Variants in HS1BP3 observed in about 807,000 individuals in gnomAD.
HS1BP3 encodes the protein HCLS1 binding protein 3.
In HS1BP3, 32 loss-of-function variants were observed where a neutral mutation model predicts 33.5. That is an observed-to-expected ratio of 0.95 (90% confidence interval 0.72 to 1.28). The LOEUF (loss-of-function observed/expected upper bound fraction) is 1.28, where lower values mean the gene tolerates loss of function less well. HS1BP3 is among the 50% of genes most tolerant of loss of function. HS1BP3 has a pLI of 0.00. For synonymous variants in HS1BP3, 187 were observed against 209.2 expected (o/e 0.89, Z 0.92); for missense variants, 486 against 502.3 (o/e 0.97, Z 0.31).
At chr2:20,638,373 G>T (rs929338026) in intron 4 of HS1BP3, 63 bp downstream of exon 4, 4 of 1,474,556 alleles carry the variant, frequency 2.7e-6, no homozygotes, top group Non-Finnish European at 3.7e-6. Context: ...CAGGGAAGGG[G>T]GACGTCATCT....
At position 20,586,631 on chromosome 2, in the gene HS1BP3, A is replaced by G. The variant is rs566015464; in HGVS notation, c.303-26116T>C. ...AAAAGAAAAGCTAATAGCTTTGACA[A>G]TATAATAATATAAAGCTTTGGTACA... On this transcript the variant is annotated intron_variant, in intron 5 of 5. Transcript: ENST00000446825. The G allele has an allele frequency of 3.3e-5, 5 of 152,354 alleles. No homozygotes were observed. In the South Asian group the frequency reaches 1.0e-3, roughly 32 times the overall value. The allele number at this position is 152,354 out of a possible 1,614,324, so 9.4% of individuals were successfully genotyped here. A position where few individuals can be genotyped will look rare whatever the true frequency, so the allele number is the denominator to read the frequency against.
At chr2:20,614,749 C>T (rs1016909808), downstream of HS1BP3, among the ~76,000 whole-genome samples, 2 of 152,226 alleles carry the variant, frequency 1.3e-5, no homozygotes, top group African/African-American at 4.8e-5. Flanking sequence ...GCTGAGTTGG[C>T]AGAGAAGCAT....
chr2:20,577,040 A>G (rs987285599), intron 5 of HS1BP3, among the ~76,000 whole-genome samples: 1 of 152,120 alleles, frequency 6.6e-6, no homozygotes, highest in Admixed American at 6.5e-5. Context: ...TTTACAAGGA[A>G]ATTTATGGGA....
At chr2:20,628,989 G>A (rs542940053) in intron 4 of HS1BP3, among the ~76,000 whole-genome samples, 5 of 152,300 alleles carry the variant, frequency 3.3e-5, no homozygotes, top group African/African-American at 1.2e-4. Context: ...TAGAAGAAAT[G>A]ACCAGAGCCT....
intron 2 of HS1BP3, among the ~76,000 whole-genome samples, chr2:20,604,737 T>C (rs1432121992): frequency 3.3e-5 from 5 of 152,078 alleles, no homozygotes; most frequent in Admixed American, 6.5e-5. Flanking sequence ...CTGGGCCAGT[T>C]CCCCCAGTTT....
intron 5 of HS1BP3, among the ~76,000 whole-genome samples, chr2:20,583,148 T>C (rs2149276357): frequency 6.6e-6 from 1 of 152,372 alleles, no homozygotes; most frequent in South Asian, 2.1e-4. Flanking sequence ...CCCTCACTTC[T>C]GAACAACCCC....
intron 4 of HS1BP3, among the ~76,000 whole-genome samples, chr2:20,629,787 T>A (rs1311180316): frequency 6.6e-6 from 1 of 152,222 alleles, no homozygotes; most frequent in Non-Finnish European, 1.5e-5. Flanking sequence ...GACCAGGCCA[T>A]GTTCTGCAGG....
chr2:20,617,780 A>C (rs1441429143), downstream of HS1BP3: 1 of 152,318 alleles, frequency 6.6e-6, no homozygotes, highest in Non-Finnish European at 1.5e-5. Flanking sequence ...CAAAACAAAA[A>C]ACTAGCTCTG....
At chr2:20,628,544 A>G (rs1255472873) in intron 4 of HS1BP3, among the ~76,000 whole-genome samples, 2 of 152,080 alleles carry the variant, frequency 1.3e-5, no homozygotes, top group Admixed American at 6.5e-5. Flanking sequence ...CTGAGGCATA[A>G]GAATCGCTTG....
chr2:20,607,949 A>G (rs1166894305), intron 2 of HS1BP3, among the ~76,000 whole-genome samples: 1 of 152,178 alleles, frequency 6.6e-6, no homozygotes, highest in Non-Finnish European at 1.5e-5. Flanking sequence ...CATAGTTTTC[A>G]ATGTTCAAGT....
chr2:20,626,304 G>A (rs1694783357), intron 4 of HS1BP3, among the ~76,000 whole-genome samples: 1 of 152,242 alleles, frequency 6.6e-6, no homozygotes, highest in South Asian at 2.1e-4. Context: ...GCTCCCTGCT[G>A]GAAGGTTCCC....
chr2:20,578,506 C>T (rs997930428), intron 5 of HS1BP3, among the ~76,000 whole-genome samples: 2 of 152,174 alleles, frequency 1.3e-5, no homozygotes, highest in African/African-American at 2.4e-5. Context: ...CGGAGGCTCT[C>T]GCAGGCAGCC....
downstream of HS1BP3, among the ~76,000 whole-genome samples, chr2:20,559,373 C>A (rs1303049919): frequency 2.6e-5 from 4 of 152,240 alleles, no homozygotes; most frequent in African/African-American, 7.2e-5. Flanking sequence ...GGATTGGGTC[C>A]TTTCTACAGG....
rs758741531 is a variant in HS1BP3, at chr2:20,624,748, G to A, written c.768C>T (p.Asp256=). The A allele has an allele frequency of 7.5e-6, 12 of 1,602,492 alleles. No homozygotes were observed. Among genetic ancestry groups the A allele is most frequent in the East Asian group, 2.2e-5 (1 of 44,554 alleles). ...RKLSPQDPSE[D]VSSVDPLKLF... ...TCTACTTACGGTCCACGGATGACACGTCCTCCGAGGGGTCCTGTGGAGACA... is the reference window on the plus strand; with the variant it reads ...TCTACTTACGGTCCACGGATGACACATCCTCCGAGGGGTCCTGTGGAGACA... Residue 256 remains aspartate (D), a synonymous_variant, in exon 5 of 7, where the codon GAC becomes GAT. Coordinates refer to ENST00000304031, the MANE Select transcript of HS1BP3 (RefSeq NM_022460.4).
At chr2:20,639,128 C>T (rs920674671) in intron 3 of HS1BP3, among the ~76,000 whole-genome samples, 20 of 152,192 alleles carry the variant, frequency 1.3e-4, no homozygotes, top group African/African-American at 4.8e-4. Context: ...AGACCTGCCC[C>T]GAGAGTCTGG....
intron 1 of HS1BP3, among the ~76,000 whole-genome samples, chr2:20,648,526 T>C (rs1156744303): frequency 6.6e-6 from 1 of 152,142 alleles, no homozygotes; most frequent in African/African-American, 2.4e-5. Flanking sequence ...CCCTCACTCT[T>C]GGTTCTTCTC....
intron 2 of HS1BP3, among the ~76,000 whole-genome samples, chr2:20,599,287 C>G (rs1694016318): frequency 6.6e-6 from 1 of 152,222 alleles, no homozygotes; most frequent in East Asian, 1.9e-4. Flanking sequence ...TTCCTCCCTT[C>G]CCCTGCCCTG....
At chr2:20,648,345 T>C (rs1695580894) in intron 1 of HS1BP3, among the ~76,000 whole-genome samples, 1 of 152,170 alleles carries the variant, frequency 6.6e-6, no homozygotes, top group Non-Finnish European at 1.5e-5. Flanking sequence ...CAGCCAGACT[T>C]TGGTCCTCAT....
intron 5 of HS1BP3, among the ~76,000 whole-genome samples, chr2:20,571,318 C>A (rs1450306107): frequency 1.3e-5 from 2 of 152,116 alleles, no homozygotes; most frequent in Non-Finnish European, 2.9e-5. Flanking sequence ...GGCTGGGGAC[C>A]CAGCCCTAGC....
Sources: gnomAD v4.1 joint callset for allele counts (sites outside exome capture counted in the v4.1 genomes callset) on GRCh38, gnomAD v4.1.1 for gene constraint, MANE v1.5 for transcripts, NCBI Gene and HGNC (gene_info 2026-07-23, HGNC 2026-07-21) for gene names.